Variants in CPEB1 observed in about 807,000 individuals in gnomAD.
CPEB1 encodes the protein cytoplasmic polyadenylation element binding protein 1, also known as cytoplasmic polyadenylation element-binding protein 1.
In CPEB1, 7 loss-of-function variants were observed where a neutral mutation model predicts 65.8. That is an observed-to-expected ratio of 0.11 (90% confidence interval 0.06 to 0.20). The LOEUF (loss-of-function observed/expected upper bound fraction) is 0.20, where lower values mean the gene tolerates loss of function less well. CPEB1 is among the 10% of genes least tolerant of loss of function. The probability of loss-of-function intolerance (pLI) is 1.00; values close to 1 mark genes in which losing one functional copy is unlikely to be tolerated. For missense variants in CPEB1, 551 were observed against 712.2 expected (o/e 0.77, Z 2.58); for synonymous variants, 262 against 260.0 (o/e 1.01, Z -0.08).
Position 82,569,756 on chromosome 15 carries a change from G to C in CPEB1, c.460+1588C>G, listed in dbSNP as rs184254494. On this transcript the variant is annotated intron_variant, in intron 4 of 12. Coordinates refer to ENST00000684509, the MANE Select transcript of CPEB1 (RefSeq NM_001365242.1). ...CTTAGAGAATGAGAGCCAAAGAAGG[G>C]CTATACTTCAACCTGATGCCAATGA... is the stretch of plus-strand genomic sequence containing the variant. Among the ~76,000 whole-genome samples the C allele has an allele frequency of 2.2e-3, 329 of 152,314 alleles. 1 individual carries two copies. The highest frequency in any genetic ancestry group is 7.5e-3 in the African/African-American group (311 of 41,566).
rs754687553 is a variant in CPEB1 at position 82,553,535 on chromosome 15, C to T, written c.1076G>A (p.Arg359His). The change falls in exon 8 of 13, where the codon CGT (arginine) becomes CAT (histidine). Residue 359 changes from arginine to histidine, a missense_variant. Around this residue, in one of 6 missense-constraint regions of CPEB1, gnomAD observed 99 missense variants for 161.3 expected, o/e 0.61. Coordinates refer to ENST00000684509, the MANE Select transcript of CPEB1 (RefSeq NM_001365242.1). ...ITEAGLVNTF[R>H]VFGSLSVEWP... ...CTCCACACTCAAAGAGCCAAAAACA[C>T]GGAAGGTGTTAACTAATCCAGCTGC... 1.4e-5 allele frequency: 22 copies of T among 1,613,018 alleles called. No homozygotes were observed. The highest frequency in any genetic ancestry group is 6.7e-5 in the East Asian group (3 of 44,892).
At chr15:82,547,289 CTTTTTTT>C (rs71156035) in intron 10 of CPEB1, 52 bp from the exon 11 acceptor site, 126 of 390,266 alleles carry the variant, frequency 3.2e-4, no homozygotes, top group Admixed American at 5.3e-4. Context: ...CCAAATGCTA[CTTTTTTT>C]TTTTTTTTTT....
At chr15:82,588,062 C>G (rs1340199478) in intron 3 of CPEB1, among the ~76,000 whole-genome samples, 3 of 152,106 alleles carry the variant, frequency 2.0e-5, no homozygotes, top group Non-Finnish European at 2.9e-5. Context: ...GCCAGGACTA[C>G]AGGCACATGC....
intron 3 of CPEB1, among the ~76,000 whole-genome samples, chr15:82,580,682 C>A (rs1046404566): frequency 1.3e-5 from 2 of 152,112 alleles, no homozygotes; most frequent in Non-Finnish European, 2.9e-5. Context: ...CCCCACTACC[C>A]TCTCCTCCTA....
intron 3 of CPEB1, among the ~76,000 whole-genome samples, chr15:82,621,524 G>A (rs1038769714): frequency 6.6e-6 from 1 of 152,040 alleles, no homozygotes; most frequent in African/African-American, 2.4e-5. Context: ...AGGAGGCTGA[G>A]GCAGGAGACT....
chr15:82,551,261 T>C (rs146908735), intron 9 of CPEB1, among the ~76,000 whole-genome samples: 2 of 152,288 alleles, frequency 1.3e-5, no homozygotes, highest in African/African-American at 2.4e-5. Flanking sequence ...TCTTACCCTA[T>C]AGATTTTTTT....
At chr15:82,647,805 T>C, upstream of CPEB1, 2 of 1,276,548 alleles carry the variant, frequency 1.6e-6, no homozygotes, top group Non-Finnish European at 2.0e-6. Flanking sequence ...GACCGTTAGC[T>C]ACTGCGGCCG....
intron 3 of CPEB1, among the ~76,000 whole-genome samples, chr15:82,625,231 A>G (rs2045655736): frequency 6.6e-6 from 1 of 152,146 alleles, no homozygotes; most frequent in Non-Finnish European, 1.5e-5. Flanking sequence ...GCGTAAACTA[A>G]AAGAGAATTG....
At chr15:82,545,342 A>G (rs1462792394) in intron 12 of CPEB1, among the ~76,000 whole-genome samples, 2 of 152,218 alleles carry the variant, frequency 1.3e-5, no homozygotes, top group African/African-American at 4.8e-5. Context: ...TGAGAGCCTC[A>G]GTTTAACCAT....
At chr15:82,601,001 T>C (rs576897234) in intron 3 of CPEB1, among the ~76,000 whole-genome samples, 2 of 146,476 alleles carry the variant, frequency 1.4e-5, no homozygotes, top group East Asian at 2.1e-4. Context: ...ACCTCCCGAG[T>C]TCAAGCAATT....
At chr15:82,619,791 G>T (rs1217566675) in intron 3 of CPEB1, among the ~76,000 whole-genome samples, 1 of 152,014 alleles carries the variant, frequency 6.6e-6, no homozygotes, top group East Asian at 1.9e-4. Flanking sequence ...TATTGATGAG[G>T]ATATGAAACA....
Position 82,627,318 on chromosome 15 carries a change from G to C in CPEB1, c.146C>G (p.Pro49Arg). 1 of 1,613,396 alleles carries C rather than the reference G, an allele frequency of 6.2e-7. No individual in the cohort carries two copies. Among genetic ancestry groups the C allele is most frequent in the Non-Finnish European group, 8.5e-7 (1 of 1,179,632 alleles). Residue 49 changes from proline to arginine, a missense_variant, in exon 3 of 13, where the codon CCT (proline) becomes CGT (arginine). Around this residue, in one of 6 missense-constraint regions of CPEB1, gnomAD observed 223 missense variants for 228.6 expected, o/e 0.98. Transcript: ENST00000684509. ...IKDCWDNQEAPALSTCSNANI... is the reference protein window; with the variant it reads ...IKDCWDNQEARALSTCSNANI... ...GGCATTACTACACGTGGAGAGAGCAGGTGCTTCCTGGTTGTCCCAGCAATC... is the reference window on the plus strand; with the variant it reads ...GGCATTACTACACGTGGAGAGAGCACGTGCTTCCTGGTTGTCCCAGCAATC...
At position 82,597,956 on chromosome 15, in the gene CPEB1, T is replaced by C. The variant is rs1035860926; in HGVS notation, c.272-26424A>G. ...GTATAAAAGGAGTTACCTATAGGACTATTGACAATGACTGAGTTGGAGGAG... is the reference window on the plus strand; with the variant it reads ...GTATAAAAGGAGTTACCTATAGGACCATTGACAATGACTGAGTTGGAGGAG... On this transcript the variant is annotated intron_variant, in intron 3 of 12. Transcript: ENST00000684509. Among the ~76,000 whole-genome samples the C allele has an allele frequency of 6.6e-5, 10 of 152,236 alleles. No homozygotes were observed. The South Asian group carries it at 2.1e-3, about 32-fold the overall frequency.
At chr15:82,634,712 TTCC>T (rs1312498207) in intron 1 of CPEB1, among the ~76,000 whole-genome samples, 5 of 152,064 alleles carry the variant, frequency 3.3e-5, no homozygotes, top group African/African-American at 9.7e-5. Context: ...TGAAGTATTT[TTCC>T]TCCATTTAAT....
chr15:82,617,535 A>C (rs2044839230), intron 3 of CPEB1, among the ~76,000 whole-genome samples: 1 of 152,154 alleles, frequency 6.6e-6, no homozygotes, highest in South Asian at 2.1e-4. Context: ...GAAAAAGCAC[A>C]TTAGGTAAAA....
At chr15:82,553,713 G>A (rs2036686305) in intron 7 of CPEB1, among the ~76,000 whole-genome samples, 157 bp from the exon 8 acceptor site, 1 of 152,232 alleles carries the variant, frequency 6.6e-6, no homozygotes, top group Non-Finnish European at 1.5e-5. Context: ...CCCGACATAA[G>A]GAGCACTATG....
intron 3 of CPEB1, among the ~76,000 whole-genome samples, chr15:82,579,836 C>T (rs1334257181): frequency 3.6e-5 from 5 of 137,418 alleles, no homozygotes; most frequent in South Asian, 2.5e-4. Context: ...GGCGTGAACC[C>T]GGGAAGCGGA....
intron 1 of CPEB1, 57 bp downstream of exon 1, chr15:82,647,080 T>G (rs1041671406): frequency 2.0e-5 from 3 of 152,656 alleles, no homozygotes; most frequent in African/African-American, 7.2e-5. Context: ...GCTCCCCGCC[T>G]ACGCCACCTC....
chr15:82,600,816 T>A (rs553179214), intron 3 of CPEB1, among the ~76,000 whole-genome samples: 1 of 151,344 alleles, frequency 6.6e-6, no homozygotes, highest in East Asian at 1.9e-4. Context: ...CAAAACGACA[T>A]GGGTTTGGAC....
Sources: allele counts gnomAD v4.1 joint callset (sites outside exome capture counted in the v4.1 genomes callset), GRCh38; gene constraint gnomAD v4.1.1; regional missense constraint gnomAD v4.1.1; transcripts MANE v1.5; gene names NCBI Gene and HGNC (gene_info 2026-07-23, HGNC 2026-07-21).